The following GPHA2 variants were observed in gnomAD, a reference collection of about 807,000 sequenced individuals.
GPHA2 encodes glycoprotein hormone alpha-2.
Under a neutral mutation model 15.3 loss-of-function variants are expected in GPHA2, and 12 were observed. That is an observed-to-expected ratio of 0.78 (90% CI 0.50 to 1.27). The LOEUF (loss-of-function observed/expected upper bound fraction) is 1.27. GPHA2 is among the 50% of genes most tolerant of loss of function. GPHA2 has a pLI of 0.00. For synonymous variants in GPHA2, 61 were observed against 66.8 expected (o/e 0.91, Z 0.42); for missense variants, 156 against 169.5 (o/e 0.92, Z 0.44).
At position 64,934,757 on chromosome 11, in the gene GPHA2, G is replaced by T. The variant is rs771685049; in HGVS notation, c.*16C>A. On this transcript the variant is annotated 3_prime_UTR_variant, in exon 4 of 4. Coordinates refer to ENST00000279168, the MANE Select transcript of GPHA2 (RefSeq NM_130769.4). ...AAGCCCTGTGACCCAGGGGAGGAAGGAGGGGAGAGGATGGGCTAGTAGCGA... is the reference window on the plus strand; with the variant it reads ...AAGCCCTGTGACCCAGGGGAGGAAGTAGGGGAGAGGATGGGCTAGTAGCGA... 6.2e-7 allele frequency: 1 copy of T among 1,602,894 alleles called. No homozygotes were observed. The highest frequency in any genetic ancestry group is 2.2e-5 in the East Asian group (1 of 44,828).
Position 64,934,759 on chromosome 11 carries a change from G to A in GPHA2, c.*14C>T, listed in dbSNP as rs375600481. ...GCCCTGTGACCCAGGGGAGGAAGGA[G>A]GGGAGAGGATGGGCTAGTAGCGAGA... On this transcript the variant is annotated 3_prime_UTR_variant, in exon 4 of 4. Transcript: ENST00000279168. The A allele has an allele frequency of 1.2e-6, 2 of 1,605,782 alleles. No homozygotes were observed. The highest frequency in any genetic ancestry group is 1.7e-6 in the Non-Finnish European group (2 of 1,172,298).
chr11:64,934,840 C>T lies in GPHA2; in HGVS notation c.323G>A (p.Arg108Lys), dbSNP rs1268727539. ...KVQLQCVGSR[R>K]EELEIFTARA... Reference sequence around the variant, plus strand: ...GGCCGTGAAGATCTCGAGCTCCTCCCTCCGGCTCCCCACACACTGCAGCTG... The same window carrying T: ...GGCCGTGAAGATCTCGAGCTCCTCCTTCCGGCTCCCCACACACTGCAGCTG... Residue 108 changes from arginine (R) to lysine (K), a missense_variant, in exon 4 of 4, where the codon AGG becomes AAG. Coordinates refer to ENST00000279168, the MANE Select transcript of GPHA2 (RefSeq NM_130769.4). The T allele has an allele frequency of 6.3e-7, 1 of 1,594,756 alleles. No individual in the cohort carries two copies. The highest frequency in any genetic ancestry group is 2.3e-5 in the East Asian group (1 of 43,822).
upstream of GPHA2, among the ~76,000 whole-genome samples, chr11:64,937,244 C>G (rs1458678925): frequency 6.6e-6 from 1 of 152,160 alleles, no homozygotes; most frequent in African/African-American, 2.4e-5. Context: ...AAATCCTACC[C>G]CCTCATTTTC....
At position 64,934,625 on chromosome 11, in the gene GPHA2, G is replaced by A; in HGVS notation, c.*148C>T. The A allele has an allele frequency of 3.0e-6, 2 of 665,726 alleles. No homozygotes were observed. The highest frequency in any genetic ancestry group is 5.3e-5 in the East Asian group (2 of 37,606). The allele number at this position is 665,726 out of a possible 1,614,324, so 41.2% of individuals were successfully genotyped here. On this transcript the variant is annotated 3_prime_UTR_variant, in exon 4 of 4. Coordinates refer to ENST00000279168, the MANE Select transcript of GPHA2 (RefSeq NM_130769.4). ...AAAATCTTACAAAGGATCAAAGCTG[G>A]AACAACCCTCCCCTTATTTAAAAAA...
At position 64,935,083 on chromosome 11, in the gene GPHA2, A is replaced by G; in HGVS notation, c.196T>C (p.Phe66Leu). 6.2e-7 allele frequency: 1 copy of G among 1,613,968 alleles called. No individual in the cohort carries two copies. Among genetic ancestry groups the G allele is most frequent in the Non-Finnish European group, 8.5e-7 (1 of 1,179,962 alleles). The change falls in exon 3 of 4, where the codon TTC becomes CTC. Residue 66 changes from phenylalanine to leucine, a missense_variant. By Grantham distance (22) the Phe-to-Leu change is conservative. Coordinates refer to ENST00000279168, the MANE Select transcript of GPHA2 (RefSeq NM_130769.4). ...ACCAGCACAGAGTACCGAGAAGGGAAGGCGCTGGACTCACAGTGGCCCACA... is the reference window on the plus strand; with the variant it reads ...ACCAGCACAGAGTACCGAGAAGGGAGGGCGCTGGACTCACAGTGGCCCACA... ...ACVGHCESSA[F>L]PSRYSVLVAS... is the part of the protein sequence containing the mutation.
At chr11:64,936,726 C>T (rs186905931), upstream of GPHA2, among the ~76,000 whole-genome samples, 166 of 152,084 alleles carry the variant, frequency 1.1e-3, 1 homozygote, top group South Asian at 2.1e-4. Context: ...GTGGCAGGGC[C>T]GGGGGTTTGG....
Position 64,934,709 on chromosome 11 carries a change from C to T in GPHA2, c.*64G>A. 1 of 1,341,716 alleles carries T rather than the reference C, an allele frequency of 7.5e-7. No individual in the cohort carries two copies. The highest frequency in any genetic ancestry group is 1.1e-6 in the Non-Finnish European group (1 of 931,648). The allele number at this position is 1,341,716 out of a possible 1,614,324, so 83.1% of individuals were successfully genotyped here. ...CCTTCCAGTTTTTGAATCTTGAACA[C>T]AGGTTTCCCCCACCAGAACGTCAAG... On this transcript the variant is annotated 3_prime_UTR_variant, in exon 4 of 4. Transcript: ENST00000279168.
chr11:64,935,479 A>C lies in GPHA2; in HGVS notation c.1-19T>G. 1.3e-6 allele frequency: 2 copies of C among 1,542,152 alleles called. No homozygotes were observed. Among genetic ancestry groups the C allele is most frequent in the Non-Finnish European group, 1.8e-6 (2 of 1,134,022 alleles). ...TAGGCATCTGAAACACAGTGGGGAG[A>C]TGTCTCTACGTGGGTGTGCAGGTGG... is the stretch of plus-strand genomic sequence containing the variant. On this transcript the variant is annotated intron_variant, in intron 1 of 3. Transcript: ENST00000279168.
Position 64,934,721 on chromosome 11 carries a change from A to G in GPHA2, c.*52T>C. On this transcript the variant is annotated 3_prime_UTR_variant, in exon 4 of 4. Transcript: ENST00000279168. ...TGAATCTTGAACACAGGTTTCCCCCACCAGAACGTCAAGCCCTGTGACCCA... is the reference window on the plus strand; with the variant it reads ...TGAATCTTGAACACAGGTTTCCCCCGCCAGAACGTCAAGCCCTGTGACCCA... The G allele has an allele frequency of 7.0e-7, 1 of 1,429,358 alleles. No individual in the cohort carries two copies. Among genetic ancestry groups the G allele is most frequent in the East Asian group, 2.3e-5 (1 of 43,966 alleles). The allele number at this position is 1,429,358 out of a possible 1,614,324, so 88.5% of individuals were successfully genotyped here. A position where few individuals can be genotyped will look rare whatever the true frequency, so the allele number is the denominator to read the frequency against.
intron 1 of GPHA2, 151 bp from the exon 2 acceptor site, chr11:64,935,611 TTGTGTGTG>T: frequency 1.8e-6 from 1 of 561,274 alleles, no homozygotes; most frequent in South Asian, 2.2e-5. Flanking sequence ...GTATCTGCCT[TTGTGTGTG>T]TGTGTGTGTG....
At chr11:64,937,326 CG>C (rs780671248), upstream of GPHA2, among the ~76,000 whole-genome samples, 23 of 152,190 alleles carry the variant, frequency 1.5e-4, no homozygotes, top group Admixed American at 4.6e-4. Flanking sequence ...AGAGTCAGGG[CG>C]GGCACTCACA....
chr11:64,934,914 A>G, intron 3 of GPHA2, 40 bp from the exon 4 acceptor site: 1 of 1,611,624 alleles, frequency 6.2e-7, no homozygotes, highest in Non-Finnish European at 8.5e-7. Context: ...CCCCTTTCTC[A>G]GGGCTGTCTA....
Position 64,935,469 on chromosome 11 carries a change from C to G in GPHA2, c.1-9G>C. 1 of 1,572,918 alleles carries G rather than the reference C, an allele frequency of 6.4e-7. No homozygotes were observed. On this transcript the variant is annotated splice_polypyrimidine_tract_variant and intron_variant, in intron 1 of 3. Coordinates refer to ENST00000279168, the MANE Select transcript of GPHA2 (RefSeq NM_130769.4). ...GGGGACGCCATAGGCATCTGAAACACAGTGGGGAGATGTCTCTACGTGGGT... is the reference window on the plus strand; with the variant it reads ...GGGGACGCCATAGGCATCTGAAACAGAGTGGGGAGATGTCTCTACGTGGGT...
rs138346812 is a variant in GPHA2 at position 64,935,254 on chromosome 11, G to A, written c.104-79C>T. 1,932 of 1,503,264 alleles carry A rather than the reference G, an allele frequency of 1.3e-3. 21 individuals carry two copies. In the African/African-American group the frequency reaches 0.023, roughly 18 times the overall value. 93.1% of individuals were successfully genotyped at this position (1,503,264 alleles called of 1,614,324 possible). A position where few individuals can be genotyped will look rare whatever the true frequency, so the allele number is the denominator to read the frequency against. On this transcript the variant is annotated intron_variant, in intron 2 of 3. Transcript: ENST00000279168. ...CCCAGCTCCCGTTGCCTGTGCCTCAGTGTGGGGCCCTTTAGGGTGCTGCCT... is the reference window on the plus strand; with the variant it reads ...CCCAGCTCCCGTTGCCTGTGCCTCAATGTGGGGCCCTTTAGGGTGCTGCCT...
rs201662958 is a variant in GPHA2, at chr11:64,935,142, C to A, written c.137G>T (p.Gly46Val). The change falls in exon 3 of 4, where the codon GGC becomes GTC. Residue 46 changes from glycine (G) to valine (V), a missense_variant. Gly to Val is a moderately radical substitution (Grantham distance 109). Coordinates refer to ENST00000279168, the MANE Select transcript of GPHA2 (RefSeq NM_130769.4). The part of the protein sequence containing the change: ...FNVTVRSDRQ[G>V]TCQGSHVAQA... ...TGCCACGTGGGAGCCCTGGCAGGTG[C>A]CTTGGCGGTCACTTCGCACTGTCAC... 1.1e-4 allele frequency: 185 copies of A among 1,613,756 alleles called. No individual in the cohort carries two copies. Among genetic ancestry groups the A allele is most frequent in the Non-Finnish European group, 1.5e-4 (179 of 1,179,946 alleles).
rs556124892 is a variant in GPHA2 at position 64,935,195 on chromosome 11, C to T, written c.104-20G>A. ...TGAAGGCTAGAAGGAGATAGGCAAG[C>T]AGTAGACGGCGCCTCTGCCAAGGTT... On this transcript the variant is annotated intron_variant, in intron 2 of 3. Transcript: ENST00000279168. The T allele has an allele frequency of 1.9e-6, 3 of 1,594,468 alleles. No homozygotes were observed. Among genetic ancestry groups the T allele is most frequent in the African/African-American group, 1.3e-5 (1 of 74,694 alleles).
Position 64,935,149 on chromosome 11 carries a change from G to A in GPHA2, c.130C>T (p.Arg44Cys), listed in dbSNP as rs553117521. The A allele has an allele frequency of 7.2e-5, 116 of 1,613,770 alleles. 1 individual carries two copies. In the Admixed American group the frequency reaches 1.6e-3, roughly 22 times the overall value. Residue 44 changes from arginine to cysteine, a missense_variant, in exon 3 of 4, where the codon CGC becomes TGC. Arg to Cys is a radical substitution (Grantham distance 180). Coordinates refer to ENST00000279168, the MANE Select transcript of GPHA2 (RefSeq NM_130769.4). The part of the protein sequence containing the change: ...HPFNVTVRSD[R>C]QGTCQGSHVA... ...TGGGAGCCCTGGCAGGTGCCTTGGC[G>A]GTCACTTCGCACTGTCACATTGAAG...
upstream of GPHA2, among the ~76,000 whole-genome samples, chr11:64,937,004 A>C (rs1945299659): frequency 2.0e-5 from 3 of 152,214 alleles, no homozygotes; most frequent in South Asian, 6.2e-4. Context: ...TTCAAATTCA[A>C]ATCTGCTGTC....
In GPHA2 at chr11:64,934,848, C is replaced by T; in HGVS notation, c.315G>A (p.Gly105=). The change falls in exon 4 of 4, where the codon GGG becomes GGA. Residue 105 remains glycine, a synonymous_variant. Coordinates refer to ENST00000279168, the MANE Select transcript of GPHA2 (RefSeq NM_130769.4). ...AGATCTCGAGCTCCTCCCTCCGGCT[C>T]CCCACACACTGCAGCTGTACTTTGA... ...KKVKVQLQCV[G]SRREELEIFT... The T allele has an allele frequency of 1.9e-6, 3 of 1,606,968 alleles. No homozygotes were observed. Among genetic ancestry groups the T allele is most frequent in the Non-Finnish European group, 2.5e-6 (3 of 1,177,060 alleles).
Sources: gnomAD v4.1 joint callset for allele counts (sites outside exome capture counted in the v4.1 genomes callset) on GRCh38, gnomAD v4.1.1 for gene constraint, MANE v1.5 for transcripts, NCBI Gene and HGNC (gene_info 2026-07-23, HGNC 2026-07-21) for gene names.